Variants in SGCD observed in about 807,000 individuals in gnomAD.
SGCD encodes the protein delta-sarcoglycan.
In SGCD, 18 loss-of-function variants were observed where a neutral mutation model predicts 36.6. That is an observed-to-expected ratio of 0.49 (90% CI 0.34 to 0.73). SGCD has a LOEUF of 0.73. Among genes scored for constraint, SGCD ranks in the 30% least tolerant of loss-of-function variants. SGCD has a pLI of 0.01. For missense variants in SGCD, 387 were observed against 346.7 expected (o/e 1.12, Z -0.92); for synonymous variants, 133 against 130.6 (o/e 1.02, Z -0.12).
chr5:156,261,579 A>G (rs535273436), intron 3 of SGCD, among the ~76,000 whole-genome samples: 2 of 152,352 alleles, frequency 1.3e-5, no homozygotes, highest in South Asian at 4.1e-4. Context: ...TGCATTTGCT[A>G]TACTATATAC....
At chr5:156,383,968 T>C (rs1432160040) in intron 3 of SGCD, among the ~76,000 whole-genome samples, 1 of 152,214 alleles carries the variant, frequency 6.6e-6, no homozygotes. Flanking sequence ...TGACTGAATG[T>C]CAAGTCTTCT....
intron 4 of SGCD, among the ~76,000 whole-genome samples, chr5:156,575,053 G>C (rs1044538046): frequency 6.6e-6 from 1 of 152,202 alleles, no homozygotes; most frequent in Non-Finnish European, 1.5e-5. Flanking sequence ...TTGCATGGAA[G>C]AGCCCTGTTT....
chr5:155,924,590 G>A (rs1241024406), intron 1 of SGCD, among the ~76,000 whole-genome samples: 2 of 152,188 alleles, frequency 1.3e-5, no homozygotes, highest in Admixed American at 6.5e-5. Context: ...AGAGTGGAAT[G>A]AATTGTTAAG....
At chr5:156,089,080 G>A (rs1051160568) in intron 1 of SGCD, among the ~76,000 whole-genome samples, 1 of 152,206 alleles carries the variant, frequency 6.6e-6, no homozygotes, top group African/African-American at 2.4e-5. Flanking sequence ...GGCAGACCTG[G>A]AAAGAGCAAA....
At chr5:156,350,000 C>T (rs556172232) in intron 3 of SGCD, among the ~76,000 whole-genome samples, 1 of 151,836 alleles carries the variant, frequency 6.6e-6, no homozygotes, top group Non-Finnish European at 1.5e-5. Flanking sequence ...TCTGATACCA[C>T]ATGTTCTTTT....
At chr5:156,497,641 C>CTG in intron 3 of SGCD, among the ~76,000 whole-genome samples, 1 of 151,776 alleles carries the variant, frequency 6.6e-6, no homozygotes, top group African/African-American at 2.4e-5. Flanking sequence ...CTCTCTCTCT[C>CTG]TCTCACACAC....
At chr5:156,037,139 C>T (rs1362300676) in intron 1 of SGCD, among the ~76,000 whole-genome samples, 1 of 152,134 alleles carries the variant, frequency 6.6e-6, no homozygotes, top group Non-Finnish European at 1.5e-5. Context: ...CATGTAATTA[C>T]AAATTTTATT....
chr5:155,799,978 C>T, the SGCD span, among the ~76,000 whole-genome samples: 2 of 151,264 alleles, frequency 1.3e-5, no homozygotes, highest in African/African-American at 4.9e-5. Flanking sequence ...AACACCATGC[C>T]CAGCTAGTTT....
At chr5:156,581,401 G>T (rs1760250983) in intron 4 of SGCD, among the ~76,000 whole-genome samples, 1 of 152,228 alleles carries the variant, frequency 6.6e-6, no homozygotes, top group African/African-American at 2.4e-5. Flanking sequence ...GAGGCAGTCT[G>T]TCCATTCTCC....
intron 3 of SGCD, among the ~76,000 whole-genome samples, chr5:156,376,164 C>T (rs1770657676): frequency 6.6e-6 from 1 of 152,206 alleles, no homozygotes; most frequent in African/African-American, 2.4e-5. Context: ...AAGCTCTGCT[C>T]AGTTACTCAA....
intron 7 of SGCD, among the ~76,000 whole-genome samples, chr5:156,747,458 C>G (rs1756987331): frequency 6.6e-6 from 1 of 152,146 alleles, no homozygotes; most frequent in Non-Finnish European, 1.5e-5. Context: ...AAACGCTGGA[C>G]TAGGGGAGGG....
At chr5:156,393,922 A>G in intron 3 of SGCD, 3 of 440,672 alleles carry the variant, frequency 6.8e-6, no homozygotes, top group Non-Finnish European at 9.2e-6. Context: ...GACACTCACA[A>G]GAGATGGGTA....
rs1460787427 is a variant in SGCD, at chr5:156,051,685, T to TA, written c.-281-66187dup. On this transcript the variant is annotated intron_variant, in intron 1 of 9. Transcript: ENST00000517913. The stretch of plus-strand genomic sequence containing the variant: ...TAGAGGGGAAGGCAGACAGAAAAAG[T>TA]AAAAAACTAAACAAACAAATATATA... Among the ~76,000 whole-genome samples the TA allele has an allele frequency of 4.1e-5, 6 of 145,616 alleles. 1 individual carries two copies. The highest frequency in any genetic ancestry group is 1.5e-5 in the Non-Finnish European group (1 of 64,676).
intron 3 of SGCD, among the ~76,000 whole-genome samples, chr5:156,197,562 A>G (rs934727279): frequency 6.6e-6 from 1 of 151,608 alleles, no homozygotes; most frequent in Non-Finnish European, 1.5e-5. Flanking sequence ...GTGATTAATA[A>G]CAAAGGGAGA....
At chr5:156,449,698 A>AAAAAAAAAAC in intron 3 of SGCD, among the ~76,000 whole-genome samples, 1 of 148,982 alleles carries the variant, frequency 6.7e-6, no homozygotes, top group Non-Finnish European at 1.5e-5. Flanking sequence ...AAAAAAAAAA[A>AAAAAAAAAAC]AAAATCAGCC....
chr5:156,564,339 A>G (rs1211704610), intron 4 of SGCD, among the ~76,000 whole-genome samples: 1 of 152,010 alleles, frequency 6.6e-6, no homozygotes, highest in African/African-American at 2.4e-5. Context: ...AGTCTCAGCT[A>G]CTCGGGAGGC....
chr5:156,678,487 G>GA (rs1287372416), intron 7 of SGCD, among the ~76,000 whole-genome samples: 2 of 152,196 alleles, frequency 1.3e-5, no homozygotes, highest in African/African-American at 4.8e-5. Context: ...ATAAGTGTAT[G>GA]AAAAGTACAC....
At chr5:155,866,277 A>T, upstream of SGCD, among the ~76,000 whole-genome samples, 1 of 152,200 alleles carries the variant, frequency 6.6e-6, no homozygotes, top group Non-Finnish European at 1.5e-5. Flanking sequence ...TAAGTGGTGA[A>T]GAATACAATG....
chr5:156,750,060 G>C (rs994516089), intron 7 of SGCD, among the ~76,000 whole-genome samples: 1 of 152,048 alleles, frequency 6.6e-6, no homozygotes, highest in African/African-American at 2.4e-5. Context: ...ATAGTTATTG[G>C]AAAATTAATA....
Sources: allele counts gnomAD v4.1 joint callset (sites outside exome capture counted in the v4.1 genomes callset), GRCh38; gene constraint gnomAD v4.1.1; transcripts MANE v1.5; gene names NCBI Gene and HGNC (gene_info 2026-07-23, HGNC 2026-07-21).